Variants in RNF144B observed in about 807,000 individuals in gnomAD.
RNF144B encodes E3 ubiquitin-protein ligase RNF144B.
Under a neutral mutation model 40.2 loss-of-function variants are expected in RNF144B, and 25 were observed. That is an observed-to-expected ratio of 0.62 (90% CI 0.45 to 0.87). RNF144B has a LOEUF of 0.87. RNF144B is among the 40% of genes least tolerant of loss of function. RNF144B has a pLI of 0.00. For synonymous variants in RNF144B, 145 were observed against 136.3 expected, an observed-to-expected ratio of 1.06 and a Z score of -0.44; for missense variants, 365 against 373.7, an observed-to-expected ratio of 0.98 and a Z score of 0.19.
intron 1 of RNF144B, among the ~76,000 whole-genome samples, chr6:18,387,982 A>G (rs546898214): frequency 6.6e-6 from 1 of 152,308 alleles, no homozygotes; most frequent in African/African-American, 2.4e-5. Context: ...TTTATCAGGT[A>G]ATTGCTAATG....
chr6:18,404,983 T>C (rs1794867868), intron 2 of RNF144B, among the ~76,000 whole-genome samples: 2 of 152,058 alleles, frequency 1.3e-5, no homozygotes, highest in Non-Finnish European at 2.9e-5. Context: ...CTTCTGGTCA[T>C]GAGACCTGCC....
At chr6:18,409,568 T>G (rs1212049272) in intron 2 of RNF144B, among the ~76,000 whole-genome samples, 1 of 144,592 alleles carries the variant, frequency 6.9e-6, no homozygotes, top group Admixed American at 7.0e-5. Flanking sequence ...AACCTTTTTT[T>G]TTTTTTTTTT....
rs984497865 is a variant in RNF144B at position 18,412,937 on chromosome 6, C to CT, written c.165+13240dup. Among the ~76,000 whole-genome samples the CT allele has an allele frequency of 2.0e-5, 3 of 152,100 alleles. No individual in the cohort carries two copies. The highest frequency in any genetic ancestry group is 7.2e-5 in the African/African-American group (3 of 41,412). The stretch of plus-strand genomic sequence containing the variant: ...GAATGTAGGGTATTTTTTCAATCTG[C>CT]TTAAACCTCATTTTATTCATCTGTT... On this transcript the variant is annotated intron_variant, in intron 2 of 7. Coordinates refer to ENST00000259939, the MANE Select transcript of RNF144B (RefSeq NM_182757.4). This position sits in a 1 kb window ranked among gnomAD's most constrained non-coding sequence, Gnocchi z 4.2.
rs1204128401 is a variant in RNF144B, at chr6:18,456,372, AT to A, written c.332-780del. 6.6e-6 allele frequency among the ~76,000 whole-genome samples: 1 copy of A among 152,164 alleles called. No homozygotes were observed. The highest frequency in any genetic ancestry group is 1.5e-5 in the Non-Finnish European group (1 of 68,018). ...TGATTATTTTCTTCCTTGTTCTTTA[AT>A]TTCCTGGGAATGTGGAAGAAACCTC... On this transcript the variant is annotated intron_variant, in intron 4 of 7. Transcript: ENST00000259939. This position sits in a 1 kb window ranked among gnomAD's most constrained non-coding sequence, Gnocchi z 4.7.
chr6:18,405,490 T>A lies in RNF144B; in HGVS notation c.165+5791T>A, dbSNP rs1387669934. Among the ~76,000 whole-genome samples the A allele has an allele frequency of 6.6e-6, 1 of 152,192 alleles. No homozygotes were observed. The highest frequency in any genetic ancestry group is 2.4e-5 in the African/African-American group (1 of 41,450). On this transcript the variant is annotated intron_variant, in intron 2 of 7. Transcript: ENST00000259939. The surrounding 1 kb of genome is among the most constrained non-coding windows in gnomAD (Gnocchi z 4.5). ...GTGCCCAGCCGCAAGGTTAGTTTTA[T>A]GCTTTCCCTTAACTTTGCTTGGGGT...
intron 1 of RNF144B, 54 bp downstream of exon 1, chr6:18,387,684 T>A (rs1794485165): frequency 7.9e-7 from 1 of 1,263,568 alleles, no homozygotes; most frequent in African/African-American, 1.5e-5. Flanking sequence ...CGGAATGGTG[T>A]TGCTGGACTA....
chr6:18,395,839 T>C lies in RNF144B; in HGVS notation c.-36-3660T>C, dbSNP rs1339815317. 6.6e-6 allele frequency among the ~76,000 whole-genome samples: 1 copy of C among 152,164 alleles called. No homozygotes were observed. The highest frequency in any genetic ancestry group is 1.5e-5 in the Non-Finnish European group (1 of 68,034). On this transcript the variant is annotated intron_variant, in intron 1 of 7. Transcript: ENST00000259939. The surrounding 1 kb of genome is among the most constrained non-coding windows in gnomAD (Gnocchi z 4.5). ...GGTGGTTTGACTAAGATTTTTGTTT[T>C]TGAAAGCTCATTGCTTGAAAAATGT... is the stretch of plus-strand genomic sequence containing the variant.
rs1340529146 is a variant in RNF144B, at chr6:18,418,024, C to T, written c.166-9557C>T. ...CACTAGCCAACAGGGCAATGCAAATCGAAACCACAATGATATTCGACTTCA... is the reference window on the plus strand; with the variant it reads ...CACTAGCCAACAGGGCAATGCAAATTGAAACCACAATGATATTCGACTTCA... On this transcript the variant is annotated intron_variant, in intron 2 of 7. Coordinates refer to ENST00000259939, the MANE Select transcript of RNF144B (RefSeq NM_182757.4). The surrounding 1 kb of genome is among the most constrained non-coding windows in gnomAD (Gnocchi z 5.2). Among the ~76,000 whole-genome samples the T allele has an allele frequency of 1.3e-5, 2 of 152,078 alleles. No homozygotes were observed. Among genetic ancestry groups the T allele is most frequent in the Non-Finnish European group, 1.5e-5 (1 of 68,020 alleles).
chr6:18,437,428 G>C (rs1758848959), intron 3 of RNF144B, among the ~76,000 whole-genome samples: 1 of 152,070 alleles, frequency 6.6e-6, no homozygotes. Flanking sequence ...GACAAAGTGA[G>C]ACCTCATCTC....
rs1198118624 is a variant in RNF144B, at chr6:18,422,863, G to A, written c.166-4718G>A. 6.6e-6 allele frequency among the ~76,000 whole-genome samples: 1 copy of A among 151,840 alleles called. No individual in the cohort carries two copies. Among genetic ancestry groups the A allele is most frequent in the Non-Finnish European group, 1.5e-5 (1 of 67,968 alleles). On this transcript the variant is annotated intron_variant, in intron 2 of 7. Coordinates refer to ENST00000259939, the MANE Select transcript of RNF144B (RefSeq NM_182757.4). The surrounding 1 kb of genome is among the most constrained non-coding windows in gnomAD (Gnocchi z 4.7). ...GCCTCAGCTACTGAGGAGCTGAGGT[G>A]GGAGGATCACTGAACCCAGGAGTTT...
intron 4 of RNF144B, among the ~76,000 whole-genome samples, chr6:18,449,696 A>AGT (rs779924542): frequency 8.5e-6 from 1 of 117,328 alleles, no homozygotes; most frequent in Non-Finnish European, 1.9e-5. Context: ...CGTGTTTTGA[A>AGT]GTATATATAT....
chr6:18,394,547 G>T (rs1039614027), intron 1 of RNF144B, among the ~76,000 whole-genome samples: 12 of 151,614 alleles, frequency 7.9e-5, no homozygotes, highest in African/African-American at 1.5e-4. Context: ...GCAGTGAGCT[G>T]AGATCATGCC....
In RNF144B at chr6:18,468,104, G is replaced by T. The variant is rs1186080709; in HGVS notation, c.*3037G>T. ...TGAGAGGAAGTGTGGGTCTACATAG[G>T]GATGTTTGGATGCTATGGCAAGAAT... On this transcript the variant is annotated 3_prime_UTR_variant, in exon 8 of 8. Transcript: ENST00000259939. The T allele has an allele frequency of 6.6e-6, 1 of 151,886 alleles. No homozygotes were observed. The highest frequency in any genetic ancestry group is 1.5e-5 in the Non-Finnish European group (1 of 68,028). The allele number at this position is 151,886 out of a possible 1,614,324, so 9.4% of individuals were successfully genotyped here. A position where few individuals can be genotyped will look rare whatever the true frequency, so the allele number is the denominator to read the frequency against.
chr6:18,411,008 C>T (rs772046437), intron 2 of RNF144B, among the ~76,000 whole-genome samples: 20 of 142,088 alleles, frequency 1.4e-4, no homozygotes, highest in Non-Finnish European at 2.4e-4. Context: ...TTTTTTGAGA[C>T]GGAGTCTCAT....
chr6:18,399,630 C>T lies in RNF144B; in HGVS notation c.96C>T (p.Leu32=). The change falls in exon 2 of 8, where the codon CTC becomes CTT. Residue 32 remains leucine (L), a synonymous_variant. Transcript: ENST00000259939. Reference sequence around the variant, plus strand: ...CGGCCCCCCTCATCACTTGCAAACTCTGCCTGTGTGAGCAGTCTCTGGACA... The same window carrying T: ...CGGCCCCCCTCATCACTTGCAAACTTTGCCTGTGTGAGCAGTCTCTGGACA... ...LAPAPLITCK[L]CLCEQSLDKM... The T allele has an allele frequency of 6.2e-7, 1 of 1,614,170 alleles. No homozygotes were observed. The highest frequency in any genetic ancestry group is 8.5e-7 in the Non-Finnish European group (1 of 1,180,020).
At position 18,442,791 on chromosome 6, in the gene RNF144B, A is replaced by G. The variant is rs555480580; in HGVS notation, c.331+3047A>G. Among the ~76,000 whole-genome samples, 1 of 152,290 alleles carries G rather than the reference A, an allele frequency of 6.6e-6. No individual in the cohort carries two copies. The highest frequency in any genetic ancestry group is 2.1e-4 in the South Asian group (1 of 4,822). On this transcript the variant is annotated intron_variant, in intron 4 of 7. Coordinates refer to ENST00000259939, the MANE Select transcript of RNF144B (RefSeq NM_182757.4). This position sits in a 1 kb window ranked among gnomAD's most constrained non-coding sequence, Gnocchi z 4.3. ...TATTTCATATGAGTGGAATCATACA[A>G]TATCTGTCCTTTTGTGTTTGTCTTA...
rs781174516 is a variant in RNF144B at position 18,387,536 on chromosome 6, G to C, written c.-131G>C. Reference sequence around the variant, plus strand: ...GAGGAAAGACGGAGAGAATGGAAGAGCTCCTGTCCGGTGTGCCAGCAGCCC... The same window carrying C: ...GAGGAAAGACGGAGAGAATGGAAGACCTCCTGTCCGGTGTGCCAGCAGCCC... On this transcript the variant is annotated 5_prime_UTR_variant, in exon 1 of 8. Transcript: ENST00000259939. The C allele has an allele frequency of 7.6e-7, 1 of 1,316,716 alleles. No individual in the cohort carries two copies. Among genetic ancestry groups the C allele is most frequent in the Non-Finnish European group, 1.0e-6 (1 of 1,004,974 alleles). The allele number at this position is 1,316,716 out of a possible 1,614,324, so 81.6% of individuals were successfully genotyped here.
intron 1 of RNF144B, among the ~76,000 whole-genome samples, chr6:18,387,989 A>T (rs2113446274): frequency 6.6e-6 from 1 of 152,304 alleles, no homozygotes; most frequent in Admixed American, 6.5e-5. Flanking sequence ...GGTAATTGCT[A>T]ATGAAACAGT....
Position 18,444,283 on chromosome 6 carries a change from A to G in RNF144B, c.331+4539A>G, listed in dbSNP as rs965146196. On this transcript the variant is annotated intron_variant, in intron 4 of 7. Coordinates refer to ENST00000259939, the MANE Select transcript of RNF144B (RefSeq NM_182757.4). This position sits in a 1 kb window ranked among gnomAD's most constrained non-coding sequence, Gnocchi z 4.3. Reference sequence around the variant, plus strand: ...TGTGACTTTTTGTCTGGCTGCCACTATGTTTCTGGCTTTCTCTTTCTGCAT... The same window carrying G: ...TGTGACTTTTTGTCTGGCTGCCACTGTGTTTCTGGCTTTCTCTTTCTGCAT... Among the ~76,000 whole-genome samples, 5 of 152,134 alleles carry G rather than the reference A, an allele frequency of 3.3e-5. No individual in the cohort carries two copies. The highest frequency in any genetic ancestry group is 5.9e-5 in the Non-Finnish European group (4 of 68,024).
Sources: allele counts gnomAD v4.1 joint callset (sites outside exome capture counted in the v4.1 genomes callset), GRCh38; gene constraint gnomAD v4.1.1; non-coding constraint Gnocchi (gnomAD v3.1); transcripts MANE v1.5; gene names NCBI Gene and HGNC (gene_info 2026-07-23, HGNC 2026-07-21).